Variants in MBTD1 observed in about 807,000 individuals in gnomAD.
The protein encoded by MBTD1 is MBT domain-containing protein 1.
MBTD1 carries 24 observed loss-of-function variants against 87.8 expected under a neutral mutation model. The ratio of observed to expected loss-of-function variants is 0.27; its 90% CI spans 0.20 to 0.38. The LOEUF is 0.38. Ranked by LOEUF, MBTD1 falls within the 10% of genes least tolerant of loss-of-function variation. MBTD1 has a pLI of 1.00. For synonymous variants in MBTD1, 237 were observed against 248.6 expected, an observed-to-expected ratio of 0.95 and a Z score of 0.44; for missense variants, 436 against 760.2, an observed-to-expected ratio of 0.57 and a Z score of 5.02.
chr17:51,235,316 A>G (rs2053772264), intron 2 of MBTD1, among the ~76,000 whole-genome samples: 1 of 151,846 alleles, frequency 6.6e-6, no homozygotes, highest in South Asian at 2.1e-4. Context: ...TTGTATTTTT[A>G]GTAGAGATGG....
In MBTD1 at chr17:51,179,501, T is replaced by TTC. The variant is rs1198076406; in HGVS notation, c.*1074_*1075insGA. 2 of 75,686 alleles carry TTC rather than the reference T, an allele frequency of 2.6e-5. No individual in the cohort carries two copies. Among genetic ancestry groups the TTC allele is most frequent in the African/African-American group, 5.2e-5 (1 of 19,064 alleles). The allele number at this position is 75,686 out of a possible 1,614,324, so 4.7% of individuals were successfully genotyped here. On this transcript the variant is annotated 3_prime_UTR_variant, in exon 17 of 17. Coordinates refer to ENST00000586178, the MANE Select transcript of MBTD1 (RefSeq NM_017643.3). The stretch of plus-strand genomic sequence containing the variant: ...AGACAATTTTATATATATATATATA[T>TTC]ATATATATATATATATATATATATA...
At chr17:51,214,825 T>G (rs1351647848) in intron 6 of MBTD1, among the ~76,000 whole-genome samples, 3 of 152,192 alleles carry the variant, frequency 2.0e-5, no homozygotes, top group Non-Finnish European at 4.4e-5. Flanking sequence ...TATCAAGTCT[T>G]AGAAGACTTT....
At chr17:51,182,889 T>C (rs1429531557) in intron 16 of MBTD1, among the ~76,000 whole-genome samples, 1 of 152,244 alleles carries the variant, frequency 6.6e-6, no homozygotes, top group Admixed American at 6.5e-5. Context: ...AGTGTCATCA[T>C]GTGGAACAAT....
chr17:51,201,834 T>TAG, intron 11 of MBTD1, 138 bp from the exon 12 acceptor site: 1 of 747,606 alleles, frequency 1.3e-6, no homozygotes, highest in Non-Finnish European at 2.3e-6. Context: ...CATTAAGGTT[T>TAG]AGAGAGAATT....
chr17:51,260,568 T>G (rs970918314), upstream of MBTD1: 2 of 1,603,514 alleles, frequency 1.2e-6, no homozygotes, highest in Non-Finnish European at 1.7e-6. Context: ...CGCCTGCGTT[T>G]CTCCTCAAAC....
At chr17:51,252,798 C>T (rs552527387) in intron 2 of MBTD1, among the ~76,000 whole-genome samples, 18 of 152,000 alleles carry the variant, frequency 1.2e-4, no homozygotes, top group African/African-American at 4.3e-4. Context: ...TGACTAAGGT[C>T]TTGAATGTAG....
intron 2 of MBTD1, among the ~76,000 whole-genome samples, chr17:51,239,924 C>T (rs2054068565): frequency 6.6e-6 from 1 of 152,162 alleles, no homozygotes; most frequent in Non-Finnish European, 1.5e-5. Flanking sequence ...ATCCGTCCTC[C>T]AGTTTCGTCA....
intron 2 of MBTD1, among the ~76,000 whole-genome samples, chr17:51,245,664 G>A (rs574542281): frequency 1.3e-5 from 2 of 151,820 alleles, no homozygotes; most frequent in Non-Finnish European, 1.5e-5. Flanking sequence ...TTAAGTGCTA[G>A]GTTTCCATAT....
intron 2 of MBTD1, among the ~76,000 whole-genome samples, chr17:51,252,080 T>C (rs1279716642): frequency 6.6e-6 from 1 of 152,218 alleles, no homozygotes; most frequent in African/African-American, 2.4e-5. Context: ...GGACTATTTT[T>C]GTTACTGATC....
intron 16 of MBTD1, among the ~76,000 whole-genome samples, chr17:51,188,753 G>GTTTTTTT (rs767959315): frequency 9.2e-6 from 1 of 108,882 alleles, no homozygotes; most frequent in African/African-American, 3.8e-5. Context: ...ATTCAAATAG[G>GTTTTTTT]TTTTTTTTTT....
intron 3 of MBTD1, among the ~76,000 whole-genome samples, chr17:51,221,902 C>A (rs1284828806): frequency 1.3e-5 from 2 of 152,150 alleles, no homozygotes; most frequent in East Asian, 3.8e-4. Flanking sequence ...CAGGGGACAA[C>A]TGTACTTACT....
chr17:51,226,854 A>T (rs901618607), intron 2 of MBTD1, among the ~76,000 whole-genome samples: 9 of 151,244 alleles, frequency 6.0e-5, no homozygotes, highest in Non-Finnish European at 1.2e-4. Context: ...ATGGTATTGA[A>T]CTCCTGGCCT....
intron 2 of MBTD1, among the ~76,000 whole-genome samples, chr17:51,237,600 AAC>A (rs1428761707): frequency 6.6e-6 from 1 of 152,226 alleles, no homozygotes; most frequent in Non-Finnish European, 1.5e-5. Context: ...TCACTGAGAA[AAC>A]ACAAATTAAA....
At chr17:51,230,419 C>A (rs761570204) in intron 2 of MBTD1, among the ~76,000 whole-genome samples, 3 of 151,326 alleles carry the variant, frequency 2.0e-5, no homozygotes, top group Non-Finnish European at 2.9e-5. Context: ...CTCATAGTAA[C>A]CAAGGCTAAA....
intron 2 of MBTD1, among the ~76,000 whole-genome samples, chr17:51,227,089 A>G (rs1385703189): frequency 2.0e-5 from 3 of 152,028 alleles, no homozygotes; most frequent in Non-Finnish European, 4.4e-5. Context: ...AAAAATATAA[A>G]AAATTAGTTG....
Position 51,178,652 on chromosome 17 carries a change from CAAG to C in MBTD1, c.*1921_*1923del, listed in dbSNP as rs1227272586. The C allele has an allele frequency of 5.9e-5, 9 of 152,254 alleles. No homozygotes were observed. The highest frequency in any genetic ancestry group is 1.9e-4 in the East Asian group (1 of 5,184). The allele number at this position is 152,254 out of a possible 1,614,324, so 9.4% of individuals were successfully genotyped here. A position where few individuals can be genotyped will look rare whatever the true frequency, so the allele number is the denominator to read the frequency against. On this transcript the variant is annotated 3_prime_UTR_variant, in exon 17 of 17. Transcript: ENST00000586178. ...GGAATACTTCTAGGCTTTAAGTTTA[CAAG>C]AAGATTTTTCAAAGTTAAAGATATG...
In MBTD1 at chr17:51,180,501, C is replaced by T. The variant is rs548467339; in HGVS notation, c.*75G>A. ...GCAAAATGTCCCAGTAGAGTAGCCC[C>T]CTGTACAGCTGGATTGATTATAAAT... On this transcript the variant is annotated 3_prime_UTR_variant, in exon 17 of 17. Transcript: ENST00000586178. The T allele has an allele frequency of 2.9e-6, 2 of 700,298 alleles. No individual in the cohort carries two copies. Among genetic ancestry groups the T allele is most frequent in the African/African-American group, 1.9e-5 (1 of 53,900 alleles). 43.4% of individuals were successfully genotyped at this position (700,298 alleles called of 1,614,324 possible).
intron 16 of MBTD1, among the ~76,000 whole-genome samples, chr17:51,181,491 T>C (rs1346252662): frequency 1.3e-5 from 2 of 151,968 alleles, no homozygotes; most frequent in Non-Finnish European, 2.9e-5. Context: ...CAAATCCCCA[T>C]CTCTACAAAA....
At chr17:51,218,827 T>C (rs574492619) in intron 5 of MBTD1, 103 bp downstream of exon 5, 16 of 709,720 alleles carry the variant, frequency 2.3e-5, no homozygotes, top group African/African-American at 8.8e-5. Flanking sequence ...TGACAGGACA[T>C]AGAAACAGCT....
Sources: gnomAD v4.1 joint callset for allele counts (sites outside exome capture counted in the v4.1 genomes callset) on GRCh38, gnomAD v4.1.1 for gene constraint, MANE v1.5 for transcripts, NCBI Gene and HGNC (gene_info 2026-07-23, HGNC 2026-07-21) for gene names.